The following TNFSF10 variants were observed in gnomAD, a reference collection of about 807,000 sequenced individuals.
The protein encoded by TNFSF10 is TNF superfamily member 10, also known as tumor necrosis factor ligand superfamily member 10.
TNFSF10 carries 13 observed loss-of-function variants against 29.5 expected under a neutral mutation model. The observed-to-expected ratio is 0.44, with a 90% CI of 0.29 to 0.70. The LOEUF is 0.70. Ranked by LOEUF, TNFSF10 falls within the 30% of genes least tolerant of loss-of-function variation. TNFSF10 has a pLI of 0.13. For synonymous variants in TNFSF10, 111 were observed against 112.8 expected, an observed-to-expected ratio of 0.98 and a Z score of 0.10; for missense variants, 345 against 330.9, an observed-to-expected ratio of 1.04 and a Z score of -0.33.
At chr3:172,513,563 G>C (rs1713309263) in intron 2 of TNFSF10, among the ~76,000 whole-genome samples, 1 of 152,212 alleles carries the variant, frequency 6.6e-6, no homozygotes, top group Non-Finnish European at 1.5e-5. Flanking sequence ...CATAGAAATA[G>C]CATCTCACAT....
rs867822388 is a variant in TNFSF10, at chr3:172,523,246, C to A, written c.132+7G>T. On this transcript the variant is annotated splice_region_variant and intron_variant, in intron 1 of 4. Coordinates refer to ENST00000241261, the MANE Select transcript of TNFSF10 (RefSeq NM_003810.4). ...CTCGAAGACTGAGTGCACTGCACTG[C>A]ACTGACCTGCTTCAGCTCGTTGGTA... 2 of 1,613,092 alleles carry A rather than the reference C, an allele frequency of 1.2e-6. No homozygotes were observed. The highest frequency in any genetic ancestry group is 1.1e-5 in the South Asian group (1 of 90,986).
chr3:172,510,210 C>A (rs1483350913), intron 3 of TNFSF10, among the ~76,000 whole-genome samples: 2 of 152,224 alleles, frequency 1.3e-5, no homozygotes, highest in East Asian at 3.9e-4. Flanking sequence ...TAGAAAGTGA[C>A]AATTTGGAGG....
chr3:172,513,812 T>C (rs1313801440), intron 2 of TNFSF10, among the ~76,000 whole-genome samples: 1 of 151,352 alleles, frequency 6.6e-6, no homozygotes, highest in Admixed American at 6.6e-5. Flanking sequence ...TCTCATCTGA[T>C]ATTTTCACAT....
intron 1 of TNFSF10, among the ~76,000 whole-genome samples, chr3:172,520,523 C>T (rs531965447): frequency 7.9e-5 from 12 of 152,288 alleles, no homozygotes; most frequent in East Asian, 1.9e-4. Flanking sequence ...GAATACAAAA[C>T]GGGAGTGTTC....
At position 172,506,271 on chromosome 3, in the gene TNFSF10, T is replaced by C. The variant is rs1028877098; in HGVS notation, c.*221A>G. ...ATGAGGTAGAGTCCTGAAAGATCTT[T>C]CAGCAATTTCATTCTCTTGGGATAA... On this transcript the variant is annotated 3_prime_UTR_variant, in exon 5 of 5. Transcript: ENST00000241261. 8.0e-6 allele frequency: 4 copies of C among 500,834 alleles called. No individual in the cohort carries two copies. The highest frequency in any genetic ancestry group is 1.4e-5 in the Non-Finnish European group (4 of 286,376). 31.0% of individuals were successfully genotyped at this position (500,834 alleles called of 1,614,324 possible). A position where few individuals can be genotyped will look rare whatever the true frequency, so the allele number is the denominator to read the frequency against.
intron 3 of TNFSF10, 102 bp from the exon 4 acceptor site, chr3:172,509,423 G>C: frequency 1.3e-6 from 1 of 748,506 alleles, no homozygotes; most frequent in South Asian, 2.3e-5. Context: ...AGCATACTGG[G>C]CTTCCAAAGT....
At chr3:172,518,573 A>G in intron 1 of TNFSF10, 1 of 902,990 alleles carries the variant, frequency 1.1e-6, no homozygotes, top group Non-Finnish European at 1.5e-6. Context: ...CTTTATCATA[A>G]AACTTTCTCA....
chr3:172,521,088 A>G (rs529693818), intron 1 of TNFSF10, among the ~76,000 whole-genome samples: 1 of 152,358 alleles, frequency 6.6e-6, no homozygotes, highest in African/African-American at 2.4e-5. Context: ...AAAACCTAAA[A>G]GCATAAAAAC....
intron 3 of TNFSF10, among the ~76,000 whole-genome samples, chr3:172,511,064 T>C (rs1171293104): frequency 6.6e-6 from 1 of 151,950 alleles, no homozygotes; most frequent in African/African-American, 2.4e-5. Context: ...TGGGCAACAG[T>C]AGTGCACAGA....
At chr3:172,520,426 C>G (rs1054724900) in intron 1 of TNFSF10, among the ~76,000 whole-genome samples, 2 of 152,186 alleles carry the variant, frequency 1.3e-5, no homozygotes, top group Non-Finnish European at 2.9e-5. Context: ...CCTTTGTATT[C>G]TCACTTATTG....
chr3:172,518,895 C>T (rs532328687), intron 1 of TNFSF10, among the ~76,000 whole-genome samples: 32 of 152,110 alleles, frequency 2.1e-4, no homozygotes, highest in African/African-American at 6.0e-4. Context: ...GTAATTAGAA[C>T]GCTACTATAA....
chr3:172,521,921 A>G (rs928072909), intron 1 of TNFSF10, among the ~76,000 whole-genome samples: 1 of 152,234 alleles, frequency 6.6e-6, no homozygotes, highest in African/African-American at 2.4e-5. Context: ...GGAAGCCATC[A>G]TTCTCAGCAA....
intron 4 of TNFSF10, 29 bp downstream of exon 4, chr3:172,509,188 T>G: frequency 6.3e-7 from 1 of 1,574,976 alleles, no homozygotes; most frequent in South Asian, 1.1e-5. Flanking sequence ...TTATTTTCCC[T>G]TAAGTCACTT....
chr3:172,518,839 A>G (rs1577015098), intron 1 of TNFSF10, among the ~76,000 whole-genome samples: 1 of 152,376 alleles, frequency 6.6e-6, no homozygotes, highest in East Asian at 1.9e-4. Context: ...TTCCCTTTGG[A>G]AAATTTCTGA....
intron 2 of TNFSF10, among the ~76,000 whole-genome samples, chr3:172,514,371 CCCTT>C (rs1331982135): frequency 6.6e-6 from 1 of 152,208 alleles, no homozygotes; most frequent in Non-Finnish European, 1.5e-5. Context: ...TTCTTCCCTT[CCCTT>C]CCTTTCCTCT....
At position 172,506,367 on chromosome 3, in the gene TNFSF10, A is replaced by G; in HGVS notation, c.*125T>C. The G allele has an allele frequency of 8.1e-7, 1 of 1,232,590 alleles. No individual in the cohort carries two copies. The highest frequency in any genetic ancestry group is 1.6e-5 in the South Asian group (1 of 61,022). 76.4% of individuals were successfully genotyped at this position (1,232,590 alleles called of 1,614,324 possible). Reference sequence around the variant, plus strand: ...TGGCTGCTCTACTCAGATTGCATAGAGGTTTTTTTGTTTTCTGTTTTCTGT... The same window carrying G: ...TGGCTGCTCTACTCAGATTGCATAGGGGTTTTTTTGTTTTCTGTTTTCTGT... On this transcript the variant is annotated 3_prime_UTR_variant, in exon 5 of 5. Coordinates refer to ENST00000241261, the MANE Select transcript of TNFSF10 (RefSeq NM_003810.4).
At chr3:172,511,702 T>C (rs745329447) in intron 2 of TNFSF10, 43 bp from the exon 3 acceptor site, 6 of 1,557,900 alleles carry the variant, frequency 3.9e-6, no homozygotes, top group Admixed American at 1.7e-5. Flanking sequence ...TCCCTAAAAA[T>C]TTAAACTGAC....
intron 2 of TNFSF10, among the ~76,000 whole-genome samples, chr3:172,514,185 G>A (rs543111310): frequency 6.6e-6 from 1 of 152,268 alleles, no homozygotes; most frequent in African/African-American, 2.4e-5. Flanking sequence ...GAGCCTAAGA[G>A]AAGAAACTTG....
chr3:172,513,944 T>G (rs938151976), intron 2 of TNFSF10, among the ~76,000 whole-genome samples: 3 of 152,056 alleles, frequency 2.0e-5, no homozygotes, highest in Admixed American at 6.6e-5. Context: ...GTTCAAGCAG[T>G]TCTCCTGTCT....
Sources: gnomAD v4.1 joint callset for allele counts (sites outside exome capture counted in the v4.1 genomes callset) on GRCh38, gnomAD v4.1.1 for gene constraint, MANE v1.5 for transcripts, NCBI Gene and HGNC (gene_info 2026-07-23, HGNC 2026-07-21) for gene names.